SOX5: variants seen among roughly 807,000 people sequenced by gnomAD.
SOX5 encodes SRY-box transcription factor 5.
A neutral mutation model predicts 92.0 loss-of-function variants in SOX5; 9 were observed. The observed-to-expected ratio is 0.10, with a 90% CI of 0.06 to 0.17. SOX5 has a LOEUF of 0.17. SOX5 is among the 10% of genes least tolerant of loss of function. The probability of loss-of-function intolerance (pLI) is 1.00; values close to 1 mark genes in which losing one functional copy is unlikely to be tolerated. For missense variants in SOX5, 642 were observed against 944.5 expected (o/e 0.68, Z 4.20); for synonymous variants, 344 against 336.3 (o/e 1.02, Z -0.25).
intron 4 of SOX5, among the ~76,000 whole-genome samples, chr12:24,081,854 C>T (rs973380731): frequency 5.3e-5 from 8 of 151,950 alleles, no homozygotes; most frequent in African/African-American, 1.7e-4. Context: ...TTCTTTCTCT[C>T]ACCCGCTTTC....
intron 2 of SOX5, among the ~76,000 whole-genome samples, chr12:24,319,118 T>TG (rs1369108084): frequency 6.6e-6 from 1 of 152,244 alleles, no homozygotes; most frequent in Non-Finnish European, 1.5e-5. Flanking sequence ...ATCATCCCTC[T>TG]GCCTGGCTCT....
At chr12:24,371,128 T>G (rs982945234) in intron 1 of SOX5, among the ~76,000 whole-genome samples, 1 of 152,144 alleles carries the variant, frequency 6.6e-6, no homozygotes, top group Non-Finnish European at 1.5e-5. Context: ...GTCTAGAAGT[T>G]GAAGAGAAAA....
intron 1 of SOX5, among the ~76,000 whole-genome samples, chr12:24,382,773 G>C (rs776726705): frequency 6.8e-5 from 10 of 146,248 alleles, no homozygotes; most frequent in Non-Finnish European, 1.0e-4. Context: ...TTTTGTTGAG[G>C]CGTTAGATGT....
chr12:23,530,642 C>CACTA lies in SOX5; in HGVS notation c.*3573_*3576dup, dbSNP rs1379970160. On this transcript the variant is annotated 3_prime_UTR_variant, in exon 15 of 15. Coordinates refer to ENST00000451604, the MANE Select transcript of SOX5 (RefSeq NM_006940.6). ...TTTTATCCAATTGTGGTAAGTTAAT[C>CACTA]ACTAACTTATTATTAGTAACTATAA... 1.3e-5 allele frequency: 2 copies of CACTA among 152,120 alleles called. No individual in the cohort carries two copies. The highest frequency in any genetic ancestry group is 4.8e-5 in the African/African-American group (2 of 41,416). The allele number at this position is 152,120 out of a possible 1,614,324, so 9.4% of individuals were successfully genotyped here.
intron 4 of SOX5, among the ~76,000 whole-genome samples, chr12:24,075,666 A>G (rs80235610): frequency 0.085 from 12,904 of 152,100 alleles, 695 homozygotes; most frequent in African/African-American, 0.14. Flanking sequence ...TTTAAAAAAG[A>G]CATGATTGAA....
At chr12:24,391,095 T>C (rs1303043857) in intron 1 of SOX5, among the ~76,000 whole-genome samples, 1 of 152,208 alleles carries the variant, frequency 6.6e-6, no homozygotes, top group Non-Finnish European at 1.5e-5. Context: ...TGTTGTTTTC[T>C]GACTTTTTAA....
chr12:24,414,174 C>T (rs986103613), intron 1 of SOX5, among the ~76,000 whole-genome samples: 1 of 152,040 alleles, frequency 6.6e-6, no homozygotes, highest in African/African-American at 2.4e-5. Flanking sequence ...CTTATTTTTA[C>T]TCATCTCTTT....
chr12:24,527,990 C>T (rs951078877), intron 1 of SOX5, among the ~76,000 whole-genome samples: 1 of 152,200 alleles, frequency 6.6e-6, no homozygotes, highest in African/African-American at 2.4e-5. Context: ...ATGTGGCTGA[C>T]ACTAGCAAAA....
In SOX5 at chr12:23,739,388, T is replaced by C. The variant is rs148386059; in HGVS notation, c.741+1479A>G. Among the ~76,000 whole-genome samples, 803 of 152,304 alleles carry C rather than the reference T, an allele frequency of 5.3e-3. 3 individuals are homozygous for C. Among genetic ancestry groups the C allele is most frequent in the African/African-American group, 0.018 (743 of 41,564 alleles). Reference sequence around the variant, plus strand: ...CCAGTTTTTATTGTCTGATTTCGGCTACTAAAACACCATAGAAGCCTTACT... The same window carrying C: ...CCAGTTTTTATTGTCTGATTTCGGCCACTAAAACACCATAGAAGCCTTACT... On this transcript the variant is annotated intron_variant, in intron 5 of 14. Coordinates refer to ENST00000451604, the MANE Select transcript of SOX5 (RefSeq NM_006940.6).
At chr12:23,953,138 T>C (rs1945872998), upstream of SOX5, among the ~76,000 whole-genome samples, 1 of 152,280 alleles carries the variant, frequency 6.6e-6, no homozygotes, top group East Asian at 1.9e-4. Context: ...TTGAATCCTA[T>C]ATTGAAAATT....
In SOX5 at chr12:24,107,781, C is replaced by T. The variant is rs533199151; in HGVS notation, c.-2+105562G>A. ...TTGATGCCGGGCTTAAAGAGGGTCA[C>T]TGAGAGATCAGCTTTACCTGCATCT... On this transcript the variant is annotated intron_variant, in intron 4 of 4. Coordinates refer to the SOX5 transcript ENST00000446891. 2.0e-4 allele frequency among the ~76,000 whole-genome samples: 30 copies of T among 152,274 alleles called. No individual in the cohort carries two copies. In the South Asian group the frequency reaches 5.8e-3, roughly 29 times the overall value.
chr12:23,852,259 T>C (rs980890124), intron 2 of SOX5, among the ~76,000 whole-genome samples: 6 of 152,110 alleles, frequency 3.9e-5, no homozygotes, highest in Non-Finnish European at 8.8e-5. Flanking sequence ...TTAAAGAACA[T>C]TGGAAAAACC....
intron 9 of SOX5, among the ~76,000 whole-genome samples, chr12:23,600,261 C>A (rs1298126708): frequency 2.6e-5 from 4 of 151,804 alleles, no homozygotes; most frequent in Non-Finnish European, 5.9e-5. Context: ...CAACATTTAG[C>A]CATAAACATA....
chr12:24,024,131 T>C (rs1356548588), intron 4 of SOX5, among the ~76,000 whole-genome samples: 1 of 152,056 alleles, frequency 6.6e-6, no homozygotes, highest in Non-Finnish European at 1.5e-5. Context: ...TTGAGGAGAT[T>C]ATTTAATAAG....
At chr12:24,061,872 A>G (rs1939784248) in intron 4 of SOX5, among the ~76,000 whole-genome samples, 1 of 152,162 alleles carries the variant, frequency 6.6e-6, no homozygotes, top group Admixed American at 6.6e-5. Context: ...GAACATTAAA[A>G]CACTGCTTGC....
rs143529449 is a variant in SOX5 at position 24,073,134 on chromosome 12, C to T, written c.-2+140209G>A. ...GGTGCACAAGTGATTTCATCCTGTG[C>T]ACCCAAAAGGAAGGCAACCACAGGC... On this transcript the variant is annotated intron_variant, in intron 4 of 4. Coordinates refer to the SOX5 transcript ENST00000446891. 6.0e-4 allele frequency among the ~76,000 whole-genome samples: 91 copies of T among 152,252 alleles called. 1 individual carries two copies. Among genetic ancestry groups the T allele is most frequent in the African/African-American group, 2.1e-3 (88 of 41,548 alleles).
At chr12:24,399,880 T>C (rs1157425399) in intron 1 of SOX5, among the ~76,000 whole-genome samples, 1 of 152,224 alleles carries the variant, frequency 6.6e-6, no homozygotes, top group Non-Finnish European at 1.5e-5. Flanking sequence ...ATAGGTATAG[T>C]ACATTTCTCC....
At chr12:23,930,721 C>T (rs1040176672) in intron 1 of SOX5, among the ~76,000 whole-genome samples, 8 of 151,620 alleles carry the variant, frequency 5.3e-5, no homozygotes, top group African/African-American at 1.9e-4. Flanking sequence ...CTGAGGAAGT[C>T]CCAGGGAAGT....
Position 24,295,821 on chromosome 12 carries a change from G to A in SOX5, c.-173-18509C>T, listed in dbSNP as rs551560379. Among the ~76,000 whole-genome samples the A allele has an allele frequency of 2.0e-5, 3 of 152,150 alleles. No homozygotes were observed. The East Asian group carries it at 5.8e-4, about 29-fold the overall frequency. The stretch of plus-strand genomic sequence containing the variant: ...GACCTCAAGTGATCTGCCCACCTTG[G>A]CCTCCCAAAATGCTGGGTGGCATGA... On this transcript the variant is annotated intron_variant, in intron 2 of 4. Coordinates refer to the SOX5 transcript ENST00000446891.
Sources: gnomAD v4.1 joint callset for allele counts (sites outside exome capture counted in the v4.1 genomes callset) on GRCh38, gnomAD v4.1.1 for gene constraint, MANE v1.5 for transcripts, NCBI Gene and HGNC (gene_info 2026-07-23, HGNC 2026-07-21) for gene names.